AGMO: variants seen among roughly 807,000 people sequenced by gnomAD.
AGMO encodes the protein alkylglycerol monooxygenase, also known as glyceryl-ether monooxygenase.
In AGMO, 75 loss-of-function variants were observed where a neutral mutation model predicts 60.2. That is an observed-to-expected ratio of 1.25 (90% confidence interval 1.03 to 1.51). The LOEUF is 1.51. Among genes scored for constraint, AGMO ranks in the 40% most tolerant of loss-of-function variants. AGMO has a pLI of 0.00. For missense variants in AGMO, 763 were observed against 525.5 expected (o/e 1.45, Z -4.42); for synonymous variants, 261 against 177.1 (o/e 1.47, Z -3.76).
the AGMO span, among the ~76,000 whole-genome samples, chr7:15,183,299 T>A: frequency 1.3e-5 from 2 of 152,142 alleles, no homozygotes; most frequent in South Asian, 4.1e-4. Flanking sequence ...AGTAAATGGA[T>A]CTTAACTAAC....
chr7:15,415,578 C>A (rs1780742444), intron 5 of AGMO, among the ~76,000 whole-genome samples: 1 of 151,930 alleles, frequency 6.6e-6, no homozygotes, highest in Admixed American at 6.6e-5. Flanking sequence ...CGGTTCAAAT[C>A]TTCAATATCA....
chr7:15,368,354 A>G (rs1783065043), intron 10 of AGMO, among the ~76,000 whole-genome samples: 1 of 151,958 alleles, frequency 6.6e-6, no homozygotes, highest in African/African-American at 2.4e-5. Context: ...TGTTTGATTA[A>G]AATGGCATCT....
At chr7:15,511,267 G>A (rs1230022674) in intron 3 of AGMO, among the ~76,000 whole-genome samples, 2 of 151,946 alleles carry the variant, frequency 1.3e-5, no homozygotes, top group African/African-American at 4.8e-5. Flanking sequence ...TGAACCTAAT[G>A]AGCACATCTT....
chr7:15,476,005 T>C (rs375695079), intron 3 of AGMO, among the ~76,000 whole-genome samples: 1 of 152,050 alleles, frequency 6.6e-6, no homozygotes, highest in South Asian at 2.1e-4. Flanking sequence ...TTAATGACCA[T>C]GGTAAGTGAG....
the AGMO span, among the ~76,000 whole-genome samples, chr7:15,140,237 T>C: frequency 1.3e-5 from 2 of 152,064 alleles, no homozygotes; most frequent in Admixed American, 1.3e-4. Flanking sequence ...TATACATATT[T>C]TCTCTTAGGA....
intron 12 of AGMO, among the ~76,000 whole-genome samples, chr7:15,262,328 C>T (rs1212225292): frequency 6.6e-6 from 1 of 152,028 alleles, no homozygotes; most frequent in East Asian, 1.9e-4. Flanking sequence ...CTCTGCTATA[C>T]ACCAACAGTG....
intron 10 of AGMO, among the ~76,000 whole-genome samples, chr7:15,375,907 C>G (rs1783434076): frequency 6.6e-6 from 1 of 152,062 alleles, no homozygotes; most frequent in Non-Finnish European, 1.5e-5. Context: ...AATTAGAAAA[C>G]ACTTATAGTG....
At chr7:15,400,867 G>A (rs1188569479) in intron 5 of AGMO, among the ~76,000 whole-genome samples, 2 of 152,126 alleles carry the variant, frequency 1.3e-5, no homozygotes, top group Non-Finnish European at 2.9e-5. Flanking sequence ...GAGAGCTTCA[G>A]TTTCAAATGA....
chr7:15,322,507 T>TAA (rs1781151336), intron 12 of AGMO, among the ~76,000 whole-genome samples: 3 of 74,774 alleles, frequency 4.0e-5, no homozygotes, highest in South Asian at 3.9e-4. Context: ...AATATATAAA[T>TAA]ATATATATAA....
At chr7:15,373,165 C>G (rs987398088) in intron 10 of AGMO, among the ~76,000 whole-genome samples, 2 of 151,854 alleles carry the variant, frequency 1.3e-5, no homozygotes, top group African/African-American at 4.8e-5. Context: ...TTAATTCCAG[C>G]TACTTGGGAG....
At chr7:15,122,449 A>T in the AGMO span, among the ~76,000 whole-genome samples, 5 of 152,106 alleles carry the variant, frequency 3.3e-5, no homozygotes, top group African/African-American at 1.2e-4. Context: ...TCCAGCTCAG[A>T]CTTCTCTCCC....
At chr7:15,392,820 AAACAAACAAAC>A (rs1562482854) in intron 6 of AGMO, among the ~76,000 whole-genome samples, 97 of 151,400 alleles carry the variant, frequency 6.4e-4, no homozygotes, top group African/African-American at 2.2e-3. Flanking sequence ...ACAAACAAAC[AAACAAACAAAC>A]AACTTTAAAT....
At chr7:15,424,782 A>G (rs761389944) in intron 4 of AGMO, among the ~76,000 whole-genome samples, 3 of 152,152 alleles carry the variant, frequency 2.0e-5, no homozygotes, top group Non-Finnish European at 4.4e-5. Context: ...TTGTTTCTTT[A>G]CTTCATGGGG....
At chr7:15,227,319 T>C (rs1344147642) in intron 12 of AGMO, among the ~76,000 whole-genome samples, 1 of 151,972 alleles carries the variant, frequency 6.6e-6, no homozygotes, top group African/African-American at 2.4e-5. Context: ...TGATCAACCA[T>C]GTCCATGTAA....
intron 12 of AGMO, among the ~76,000 whole-genome samples, chr7:15,209,066 C>T (rs539323761): frequency 2.0e-5 from 3 of 152,300 alleles, no homozygotes; most frequent in African/African-American, 7.2e-5. Context: ...TAATCTTCTA[C>T]CAAAAGGTCA....
At chr7:15,230,414 A>T (rs1782225606) in intron 12 of AGMO, among the ~76,000 whole-genome samples, 1 of 152,154 alleles carries the variant, frequency 6.6e-6, no homozygotes, top group Non-Finnish European at 1.5e-5. Flanking sequence ...CTAGGCAATT[A>T]CAAAGGCCTG....
chr7:15,429,582 A>T (rs569312435), intron 4 of AGMO, among the ~76,000 whole-genome samples: 1 of 152,082 alleles, frequency 6.6e-6, no homozygotes, highest in Non-Finnish European at 1.5e-5. Context: ...TAAGCTACAC[A>T]GTTAGTAGTA....
chr7:15,143,364 G>A, the AGMO span, among the ~76,000 whole-genome samples: 3 of 152,124 alleles, frequency 2.0e-5, no homozygotes, highest in African/African-American at 7.2e-5. Flanking sequence ...GTGACATGCT[G>A]AGGTGGTGCT....
chr7:15,444,426 C>G (rs915941230), intron 3 of AGMO, among the ~76,000 whole-genome samples: 4 of 152,152 alleles, frequency 2.6e-5, no homozygotes, highest in Non-Finnish European at 5.9e-5. Context: ...CCTTACCTCC[C>G]ATTCTTTCTT....
Sources: gnomAD v4.1 joint callset for allele counts (sites outside exome capture counted in the v4.1 genomes callset) on GRCh38, gnomAD v4.1.1 for gene constraint, MANE v1.5 for transcripts, NCBI Gene and HGNC (gene_info 2026-07-23, HGNC 2026-07-21) for gene names.